The following HECW1 variants were observed in gnomAD, a reference collection of about 807,000 sequenced individuals.
HECW1 encodes E3 ubiquitin-protein ligase HECW1.
In HECW1, 61 loss-of-function variants were observed where a neutral mutation model predicts 182.3. That is an observed-to-expected ratio of 0.33 (90% CI 0.27 to 0.41). HECW1 has a LOEUF of 0.41. Ranked by LOEUF, HECW1 falls within the 10% of genes least tolerant of loss-of-function variation. HECW1 has a pLI of 1.00. For missense variants in HECW1, 1,739 were observed against 2,108.9 expected (o/e 0.82, Z 3.44); for synonymous variants, 859 against 832.6 (o/e 1.03, Z -0.55).
chr7:43,235,631 T>A (rs892714568), intron 2 of HECW1, among the ~76,000 whole-genome samples: 8 of 152,210 alleles, frequency 5.3e-5, no homozygotes, highest in Non-Finnish European at 1.0e-4. Context: ...ATGGGATAAC[T>A]TAATGTGCAA....
chr7:43,391,833 A>G (rs1263608930), intron 6 of HECW1, among the ~76,000 whole-genome samples: 1 of 152,206 alleles, frequency 6.6e-6, no homozygotes, highest in Non-Finnish European at 1.5e-5. Context: ...TTGTTTGAAC[A>G]TCTCAGAGAT....
rs1420933586 is a variant in HECW1 at position 43,353,073 on chromosome 7, A to G, written c.461-7813A>G. ...TTATAGTTGCAATCTGTGTATAAAT[A>G]TACATATTTATAGTGGTAGAAACTT... On this transcript the variant is annotated intron_variant, in intron 5 of 29. Transcript: ENST00000395891. Among the ~76,000 whole-genome samples the G allele has an allele frequency of 6.6e-5, 10 of 152,136 alleles. 1 individual carries two copies. In the South Asian group the frequency reaches 1.9e-3, roughly 28 times the overall value.
chr7:43,528,956 G>A (rs2152945174), intron 24 of HECW1, among the ~76,000 whole-genome samples: 1 of 152,126 alleles, frequency 6.6e-6, no homozygotes, highest in South Asian at 2.1e-4. Flanking sequence ...CAATTTTTAT[G>A]GGGCATTGGG....
intron 6 of HECW1, among the ~76,000 whole-genome samples, chr7:43,363,192 T>G (rs1018809076): frequency 3.3e-5 from 5 of 152,180 alleles, no homozygotes; most frequent in African/African-American, 1.2e-4. Context: ...AAATGGCCTC[T>G]AAAGTATGAT....
Position 43,289,625 on chromosome 7 carries a change from C to A in HECW1, c.28-22138C>A, listed in dbSNP as rs529824271. On this transcript the variant is annotated intron_variant, in intron 3 of 29. Transcript: ENST00000395891. Reference sequence around the variant, plus strand: ...ATCAGGCATATGCCCATTGGCCTGGCCCATAGGTGGTCTTATTAACAGAAG... The same window carrying A: ...ATCAGGCATATGCCCATTGGCCTGGACCATAGGTGGTCTTATTAACAGAAG... Among the ~76,000 whole-genome samples, 6 of 152,312 alleles carry A rather than the reference C, an allele frequency of 3.9e-5. No individual in the cohort carries two copies. In the South Asian group the frequency reaches 1.2e-3, roughly 32 times the overall value.
intron 13 of HECW1, among the ~76,000 whole-genome samples, chr7:43,457,107 T>TG (rs1277636047): frequency 6.6e-6 from 1 of 152,386 alleles, no homozygotes; most frequent in East Asian, 1.9e-4. Flanking sequence ...GATGTCATTT[T>TG]GTTTTTAACC....
intron 5 of HECW1, among the ~76,000 whole-genome samples, chr7:43,346,506 A>G (rs554206314): frequency 6.6e-6 from 1 of 152,052 alleles, no homozygotes; most frequent in African/African-American, 2.4e-5. Flanking sequence ...ATTAGGTCCT[A>G]GGTATTTATC....
chr7:43,373,283 C>G (rs2074190671), intron 6 of HECW1, among the ~76,000 whole-genome samples: 1 of 147,866 alleles, frequency 6.8e-6, no homozygotes, highest in Admixed American at 6.8e-5. Context: ...GATCTGGGCT[C>G]ACTGCAACCT....
At chr7:43,122,350 A>C (rs1280072568) in intron 2 of HECW1, among the ~76,000 whole-genome samples, 1 of 152,158 alleles carries the variant, frequency 6.6e-6, no homozygotes, top group African/African-American at 2.4e-5. Flanking sequence ...GATGCTCACT[A>C]GTGTTACTTT....
At chr7:43,359,911 C>T (rs1323003982) in intron 5 of HECW1, among the ~76,000 whole-genome samples, 1 of 152,114 alleles carries the variant, frequency 6.6e-6, no homozygotes, top group African/African-American at 2.4e-5. Context: ...AAGCAAATCA[C>T]CTTCAAATGA....
intron 3 of HECW1, among the ~76,000 whole-genome samples, chr7:43,247,386 G>A (rs985802442): frequency 2.6e-5 from 4 of 152,132 alleles, no homozygotes; most frequent in African/African-American, 7.2e-5. Flanking sequence ...AGTGGCTCAT[G>A]CCTGTAATCC....
intron 2 of HECW1, chr7:43,118,515 G>A (rs1035052233): frequency 6.6e-6 from 1 of 152,358 alleles, no homozygotes; most frequent in African/African-American, 2.4e-5. Context: ...ATCAGCAAGT[G>A]ATTCCTCATC....
intron 2 of HECW1, among the ~76,000 whole-genome samples, chr7:43,225,987 G>A (rs950347780): frequency 2.0e-5 from 3 of 151,940 alleles, no homozygotes; most frequent in Non-Finnish European, 4.4e-5. Context: ...TGCCCAGGCT[G>A]GTCTCGATCT....
intron 4 of HECW1, among the ~76,000 whole-genome samples, chr7:43,316,859 C>G (rs536721974): frequency 6.9e-4 from 101 of 147,260 alleles, no homozygotes; most frequent in Non-Finnish European, 4.6e-4. Context: ...GTGCCTTCCC[C>G]TAGTGCAGAA....
chr7:43,514,545 T>G (rs2080048887), intron 24 of HECW1, among the ~76,000 whole-genome samples: 1 of 152,168 alleles, frequency 6.6e-6, no homozygotes, highest in African/African-American at 2.4e-5. Context: ...CTCCTTGGCC[T>G]CCCAAAGTGC....
At chr7:43,472,723 T>A (rs1331953915) in intron 16 of HECW1, among the ~76,000 whole-genome samples, 1 of 152,178 alleles carries the variant, frequency 6.6e-6, no homozygotes, top group Non-Finnish European at 1.5e-5. Context: ...TATCTACACA[T>A]GTTCTGGAAT....
rs1584927939 is a variant in HECW1, at chr7:43,444,799, G to A, written c.1627G>A (p.Glu543Lys). 2 of 1,614,124 alleles carry A rather than the reference G, an allele frequency of 1.2e-6. No individual in the cohort carries two copies. Among genetic ancestry groups the A allele is most frequent in the Non-Finnish European group, 1.7e-6 (2 of 1,180,032 alleles). Residue 543 changes from glutamate (E) to lysine (K), a missense_variant, in exon 11 of 30, where the codon GAG (glutamate) becomes AAG (lysine). By Grantham distance (56) the Glu-to-Lys change is moderately conservative (BLOSUM62 1). Around this residue, in one of 5 missense-constraint regions of HECW1, gnomAD observed 971 missense variants for 1,029.1 expected, o/e 0.94. Coordinates refer to ENST00000395891, the MANE Select transcript of HECW1 (RefSeq NM_015052.5). This position sits in a 1 kb window ranked among gnomAD's most constrained non-coding sequence, Gnocchi z 4.3. ...CTGCTCCTTGCCTGTGTCCGAGCTG[G>A]AGACGGTGATCGCGTCAGCCTGCGG... ...RPCSLPVSEL[E>K]TVIASACGDP...
chr7:43,319,393 C>CATAAAAAAAAAAA (rs1809758424), intron 4 of HECW1, among the ~76,000 whole-genome samples: 1 of 67,698 alleles, frequency 1.5e-5, no homozygotes, highest in African/African-American at 4.1e-5. Flanking sequence ...GACTCCGTCT[C>CATAAAAAAAAAAA]AAAAAAAAAA....
chr7:43,248,691 TCC>T (rs1562731764), intron 3 of HECW1: 7,383 of 77,504 alleles, frequency 0.095, 447 homozygotes, highest in African/African-American at 0.24. Context: ...CTCCTCCTCC[TCC>T]TTTTCCTCCT....
Sources: gnomAD v4.1 joint callset for allele counts (sites outside exome capture counted in the v4.1 genomes callset) on GRCh38, gnomAD v4.1.1 for gene constraint, gnomAD v4.1.1 regional missense constraint, Gnocchi (gnomAD v3.1) non-coding constraint, MANE v1.5 for transcripts, NCBI Gene and HGNC (gene_info 2026-07-23, HGNC 2026-07-21) for gene names.